Variants in ANXA2 observed in about 807,000 individuals in gnomAD.
The protein encoded by ANXA2 is annexin A2.
ANXA2 carries 28 observed loss-of-function variants against 47.3 expected under a neutral mutation model. The observed-to-expected ratio is 0.59, with a 90% CI of 0.44 to 0.81. The LOEUF is 0.81. ANXA2 is among the 40% of genes least tolerant of loss of function. ANXA2 has a pLI of 0.00. For missense variants in ANXA2, 384 were observed against 414.3 expected (o/e 0.93, Z 0.64); for synonymous variants, 172 against 155.5 (o/e 1.11, Z -0.79).
chr15:60,349,030 G>C, intron 12 of ANXA2, 45 bp downstream of exon 12: 2 of 1,610,462 alleles, frequency 1.2e-6, no homozygotes, highest in Admixed American at 3.3e-5. Context: ...AGGGCCCGGG[G>C]TGCTCTGGAC....
intron 1 of ANXA2, among the ~76,000 whole-genome samples, chr15:60,391,776 A>C (rs1566951428): frequency 6.6e-6 from 1 of 152,170 alleles, no homozygotes; most frequent in Non-Finnish European, 1.5e-5. Context: ...TCCATTAAAA[A>C]CAGAACCACT....
chr15:60,357,710 C>T (rs946750798), intron 5 of ANXA2, among the ~76,000 whole-genome samples: 15 of 151,712 alleles, frequency 9.9e-5, no homozygotes, highest in African/African-American at 3.4e-4. Context: ...AGGAGAATGG[C>T]GTGAACCTGG....
intron 1 of ANXA2, chr15:60,394,676 G>C (rs2063057788): frequency 6.7e-6 from 1 of 150,256 alleles, no homozygotes; most frequent in East Asian, 2.0e-4. Context: ...TCCAGGCTGG[G>C]TGACAGAGCC....
Position 60,386,040 on chromosome 15 carries a change from G to A in ANXA2, c.36C>T (p.Ser12=). 6.2e-7 allele frequency: 1 copy of A among 1,612,272 alleles called. No homozygotes were observed. The highest frequency in any genetic ancestry group is 8.5e-7 in the Non-Finnish European group (1 of 1,179,142). The part of the protein sequence containing the change: ...STVHEILCKL[S]LEGDHSTPPS... ...GTGATATACTTACATCACCCTCCAA[G>A]CTGAGCTTGCACAGGATTTCGTGAA... is the stretch of plus-strand genomic sequence containing the variant. Residue 12 remains serine, a synonymous_variant, in exon 2 of 13, where the codon AGC becomes AGT. Transcript: ENST00000451270.
At position 60,382,567 on chromosome 15, in the gene ANXA2, T is replaced by C. The variant is rs2062877523; in HGVS notation, c.49-126A>G. On this transcript the variant is annotated intron_variant, in intron 2 of 12. Coordinates refer to ENST00000451270, the MANE Select transcript of ANXA2 (RefSeq NM_004039.3). ...TCAGATCATTCTCATACTAGGTAAC[T>C]AGGTAGGTATTAACACACCATCACA... The C allele has an allele frequency of 4.7e-6, 3 of 640,504 alleles. No homozygotes were observed. In the Admixed American group the frequency reaches 8.3e-5, roughly 18 times the overall value. The allele number at this position is 640,504 out of a possible 1,614,324, so 39.7% of individuals were successfully genotyped here.
rs769141986 is a variant in ANXA2, at chr15:60,347,265, C to T, written c.*365G>A. On this transcript the variant is annotated 3_prime_UTR_variant, in exon 13 of 13. Coordinates refer to ENST00000451270, the MANE Select transcript of ANXA2 (RefSeq NM_004039.3). ...CTTTCTTCCTACAGGGACAGCCTCA[C>T]CAGCTGAACCCCAAGCACGTTTAAT... 1 of 268,766 alleles carries T rather than the reference C, an allele frequency of 3.7e-6. No homozygotes were observed. The highest frequency in any genetic ancestry group is 4.8e-5 in the Admixed American group (1 of 20,644). 16.6% of individuals were successfully genotyped at this position (268,766 alleles called of 1,614,324 possible). A position where few individuals can be genotyped will look rare whatever the true frequency, so the allele number is the denominator to read the frequency against.
At chr15:60,385,091 CAG>C (rs1488423333) in intron 2 of ANXA2, among the ~76,000 whole-genome samples, 1 of 152,022 alleles carries the variant, frequency 6.6e-6, no homozygotes, top group Non-Finnish European at 1.5e-5. Context: ...ACAAATGCAA[CAG>C]AATTTCTAGG....
intron 1 of ANXA2, 124 bp downstream of exon 1, chr15:60,397,819 G>GAC: frequency 4.4e-6 from 6 of 1,350,906 alleles, no homozygotes; most frequent in Non-Finnish European, 5.7e-6. Flanking sequence ...TCAGCCCCCT[G>GAC]CCCCCGACGG....
intron 3 of ANXA2, among the ~76,000 whole-genome samples, chr15:60,378,830 G>A (rs1006143253): frequency 1.3e-5 from 2 of 151,958 alleles, no homozygotes; most frequent in African/African-American, 4.8e-5. Flanking sequence ...GCCAGGCATG[G>A]TGGCACACGC....
At chr15:60,353,098 T>A (rs979911347) in intron 8 of ANXA2, among the ~76,000 whole-genome samples, 2 of 152,200 alleles carry the variant, frequency 1.3e-5, no homozygotes, top group Non-Finnish European at 2.9e-5. Context: ...TTTAAAACCC[T>A]TCTCTACTAC....
At chr15:60,370,006 G>A (rs2062691072) in intron 3 of ANXA2, among the ~76,000 whole-genome samples, 1 of 152,172 alleles carries the variant, frequency 6.6e-6, no homozygotes, top group South Asian at 2.1e-4. Flanking sequence ...TAAGTGTCCA[G>A]CCAGCACTGA....
intron 3 of ANXA2, among the ~76,000 whole-genome samples, chr15:60,364,889 A>G (rs1489338086): frequency 6.6e-6 from 1 of 151,468 alleles, no homozygotes; most frequent in Non-Finnish European, 1.5e-5. Flanking sequence ...AAGGTCCCCA[A>G]ATTGCCATTT....
chr15:60,371,814 A>G (rs191841950), intron 3 of ANXA2, among the ~76,000 whole-genome samples: 1 of 152,312 alleles, frequency 6.6e-6, no homozygotes, highest in East Asian at 1.9e-4. Context: ...AATGCCACAG[A>G]GTTATGGGTG....
intron 11 of ANXA2, among the ~76,000 whole-genome samples, chr15:60,349,784 G>T (rs924986045): frequency 7.2e-6 from 1 of 139,038 alleles, no homozygotes; most frequent in Non-Finnish European, 1.6e-5. Context: ...GAAGGAAGGA[G>T]AGAGAAAGAG....
rs553672825 is a variant in ANXA2, at chr15:60,389,805, G to C, written c.-11-3719C>G. On this transcript the variant is annotated intron_variant, in intron 1 of 12. Coordinates refer to ENST00000451270, the MANE Select transcript of ANXA2 (RefSeq NM_004039.3). ...AGCTACAGTTGACTAGGGCCAAAAT[G>C]TGACTTGCCTCTCCGCACTCACCAC... Among the ~76,000 whole-genome samples, 11 of 152,264 alleles carry C rather than the reference G, an allele frequency of 7.2e-5. No individual in the cohort carries two copies. The East Asian group carries it at 2.1e-3, about 29-fold the overall frequency.
At chr15:60,387,986 G>A (rs913605172) in intron 1 of ANXA2, among the ~76,000 whole-genome samples, 2 of 152,104 alleles carry the variant, frequency 1.3e-5, no homozygotes, top group African/African-American at 4.8e-5. Context: ...TCAGGAGATA[G>A]AGACCAGCCT....
Position 60,354,957 on chromosome 15 carries a change from T to C in ANXA2, c.529-744A>G, listed in dbSNP as rs181887491. ...CTCAGAGGGCAGAGTCAGCAAAGAG[T>C]GTGAACGATGGGCCTGGGCTTAAGC... On this transcript the variant is annotated intron_variant, in intron 7 of 12. Transcript: ENST00000451270. 3.2e-3 allele frequency among the ~76,000 whole-genome samples: 492 copies of C among 151,696 alleles called. 1 individual carries two copies. The highest frequency in any genetic ancestry group is 0.011 in the African/African-American group (469 of 41,356).
Position 60,352,174 on chromosome 15 carries a change from C to A in ANXA2, c.682+209G>T, listed in dbSNP as rs139479349. ...CAAATGATCATCAAACAAGAAGGAG[C>A]TGCAGAATAAAGCACCAAATGCAGA... On this transcript the variant is annotated intron_variant, in intron 9 of 12. Coordinates refer to ENST00000451270, the MANE Select transcript of ANXA2 (RefSeq NM_004039.3). The surrounding 1 kb of genome is among the most constrained non-coding windows in gnomAD (Gnocchi z 4.2). Among the ~76,000 whole-genome samples, 8 of 152,282 alleles carry A rather than the reference C, an allele frequency of 5.3e-5. No individual in the cohort carries two copies. The highest frequency in any genetic ancestry group is 1.9e-4 in the African/African-American group (8 of 41,554).
chr15:60,348,209 T>G (rs1895813474), intron 12 of ANXA2, among the ~76,000 whole-genome samples: 1 of 152,168 alleles, frequency 6.6e-6, no homozygotes, highest in African/African-American at 2.4e-5. Flanking sequence ...CAGCTCTAAC[T>G]TTATCCTTGC....
Sources: allele counts gnomAD v4.1 joint callset (sites outside exome capture counted in the v4.1 genomes callset), GRCh38; gene constraint gnomAD v4.1.1; non-coding constraint Gnocchi (gnomAD v3.1); transcripts MANE v1.5; gene names NCBI Gene and HGNC (gene_info 2026-07-23, HGNC 2026-07-21).